PPIP5K2: variants seen among roughly 807,000 people sequenced by gnomAD.
PPIP5K2 encodes diphosphoinositol pentakisphosphate kinase 2.
PPIP5K2 carries 105 observed loss-of-function variants against 154.6 expected under a neutral mutation model. That is an observed-to-expected ratio of 0.68 (90% CI 0.58 to 0.80). The LOEUF (loss-of-function observed/expected upper bound fraction) is 0.80. Among genes scored for constraint, PPIP5K2 ranks in the 30% least tolerant of loss-of-function variants. The probability of loss-of-function intolerance (pLI) is 0.00; values close to 1 mark genes in which losing one functional copy is unlikely to be tolerated. For missense variants in PPIP5K2, 992 were observed against 1,504.6 expected (o/e 0.66, Z 5.64); for synonymous variants, 480 against 490.3 (o/e 0.98, Z 0.28).
rs531393796 is a variant in PPIP5K2 at position 103,142,427 on chromosome 5, T to C, written c.487+3958T>C. 9.0e-3 allele frequency among the ~76,000 whole-genome samples: 1,370 copies of C among 151,816 alleles called. 8 individuals are homozygous for C. The highest frequency in any genetic ancestry group is 0.013 in the Non-Finnish European group (857 of 67,934). On this transcript the variant is annotated intron_variant, in intron 5 of 30. Coordinates refer to ENST00000358359, the MANE Select transcript of PPIP5K2 (RefSeq NM_001276277.3). ...TCCCGCTCGCGCCTCTCCCTCCACA[T>C]CTCCCTGCAACCTGAGGGAGTGGGC...
rs1554222217 is a variant in PPIP5K2 at position 103,180,195 on chromosome 5, A to G, written c.2922+7A>G. On this transcript the variant is annotated splice_region_variant and intron_variant, in intron 24 of 30. Coordinates refer to ENST00000358359, the MANE Select transcript of PPIP5K2 (RefSeq NM_001276277.3). Reference sequence around the variant, plus strand: ...GAAGACGGCTACAAATGATGTAAGTATATGTATCAGAACACATTTTTCATA... The same window carrying G: ...GAAGACGGCTACAAATGATGTAAGTGTATGTATCAGAACACATTTTTCATA... 2 of 1,575,162 alleles carry G rather than the reference A, an allele frequency of 1.3e-6. No homozygotes were observed. The highest frequency in any genetic ancestry group is 1.9e-5 in the Admixed American group (1 of 52,658).
chr5:103,173,120 T>C, intron 19 of PPIP5K2, 35 bp from the exon 20 acceptor site: 1 of 1,532,268 alleles, frequency 6.5e-7, no homozygotes, highest in Admixed American at 2.1e-5. Flanking sequence ...TTTGTCATTA[T>C]ATCCTTTTTC....
At chr5:103,168,637 C>A (rs782741456) in intron 19 of PPIP5K2, among the ~76,000 whole-genome samples, 1 of 151,720 alleles carries the variant, frequency 6.6e-6, no homozygotes, top group African/African-American at 2.4e-5. Context: ...TTGTCCCCCA[C>A]AAGAATGGTG....
rs1249430430 is a variant in PPIP5K2 at position 103,187,177 on chromosome 5, C to G, written c.3290-137C>G. The G allele has an allele frequency of 1.0e-5, 6 of 584,052 alleles. No homozygotes were observed. The Admixed American group carries it at 1.8e-4, about 18-fold the overall frequency. 36.2% of individuals were successfully genotyped at this position (584,052 alleles called of 1,614,324 possible). A position where few individuals can be genotyped will look rare whatever the true frequency, so the allele number is the denominator to read the frequency against. ...GTTAACTTCTTTTAACCAATATTTACCTTATTACATTCTCTCATTGTCCCT... is the reference window on the plus strand; with the variant it reads ...GTTAACTTCTTTTAACCAATATTTAGCTTATTACATTCTCTCATTGTCCCT... On this transcript the variant is annotated intron_variant, in intron 27 of 30. Transcript: ENST00000358359.
chr5:103,137,999 G>C (rs1791844059), intron 4 of PPIP5K2, among the ~76,000 whole-genome samples: 1 of 152,056 alleles, frequency 6.6e-6, no homozygotes, highest in Admixed American at 6.5e-5. Flanking sequence ...CTTTTCTCTA[G>C]TATGCTGTGA....
chr5:103,145,142 G>T (rs1793538759), intron 5 of PPIP5K2, among the ~76,000 whole-genome samples: 1 of 152,036 alleles, frequency 6.6e-6, no homozygotes, highest in Non-Finnish European at 1.5e-5. Context: ...TGGCCAATAG[G>T]TATATGAAAA....
In PPIP5K2 at chr5:103,178,058, A is replaced by G. The variant is rs551472273; in HGVS notation, c.2754+78A>G. 6.1e-5 allele frequency: 55 copies of G among 895,840 alleles called. No homozygotes were observed. The East Asian group carries it at 1.0e-3, about 17-fold the overall frequency. 55.5% of individuals were successfully genotyped at this position (895,840 alleles called of 1,614,324 possible). ...GAGGTTTCTATAAGAGATTTTTATA[A>G]TGTACTATAAATAATTCTTATTTTA... is the stretch of plus-strand genomic sequence containing the variant. On this transcript the variant is annotated intron_variant, in intron 23 of 30. Coordinates refer to ENST00000358359, the MANE Select transcript of PPIP5K2 (RefSeq NM_001276277.3).
At chr5:103,128,972 T>C (rs1163805926) in intron 1 of PPIP5K2, among the ~76,000 whole-genome samples, 2 of 152,214 alleles carry the variant, frequency 1.3e-5, no homozygotes, top group African/African-American at 4.8e-5. Flanking sequence ...AACTATGTGC[T>C]AAGAGATTTA....
rs373922745 is a variant in PPIP5K2 at position 103,146,512 on chromosome 5, G to A, written c.488-15G>A. 4.1e-5 allele frequency: 65 copies of A among 1,603,306 alleles called. No homozygotes were observed. In the Middle Eastern group the frequency reaches 6.6e-4, roughly 16 times the overall value. ...AGAATATGTGATATTTCTTGCAATC[G>A]TGTTTGTTTTATAGAATGTAATCTG... On this transcript the variant is annotated splice_polypyrimidine_tract_variant and intron_variant, in intron 5 of 30. Transcript: ENST00000358359.
At chr5:103,144,027 T>A (rs942415828) in intron 5 of PPIP5K2, among the ~76,000 whole-genome samples, 3 of 152,104 alleles carry the variant, frequency 2.0e-5, no homozygotes, top group African/African-American at 7.2e-5. Flanking sequence ...GATCTTACAG[T>A]TAGAAAATCC....
chr5:103,138,783 A>G (rs1402871711), intron 5 of PPIP5K2, among the ~76,000 whole-genome samples: 2 of 152,236 alleles, frequency 1.3e-5, no homozygotes, highest in Admixed American at 6.5e-5. Context: ...TGATTTATCT[A>G]TGACTATTGA....
At chr5:103,168,413 A>G (rs1797461627) in intron 19 of PPIP5K2, 118 bp downstream of exon 19, 1 of 709,950 alleles carries the variant, frequency 1.4e-6, no homozygotes. Context: ...AACTTTAAAC[A>G]GGAAATTAGG....
chr5:103,162,775 A>G (rs1796504630), intron 17 of PPIP5K2, among the ~76,000 whole-genome samples: 1 of 152,018 alleles, frequency 6.6e-6, no homozygotes, highest in African/African-American at 2.4e-5. Flanking sequence ...TTTTTCGGAG[A>G]AGAGGCCATA....
In PPIP5K2 at chr5:103,168,216, A is replaced by G; in HGVS notation, c.2207A>G (p.His736Arg). The change falls in exon 19 of 31, where the codon CAT (histidine) becomes CGT (arginine). Residue 736 changes from histidine (H) to arginine (R), a missense_variant. His to Arg is a conservative substitution (Grantham distance 29, BLOSUM62 0). This residue lies in a region of PPIP5K2 where 157 missense variants were observed against 281.2 expected (regional missense o/e 0.56). Coordinates refer to ENST00000358359, the MANE Select transcript of PPIP5K2 (RefSeq NM_001276277.3). ...GACTGTATAAAATATGATGTCCAGC[A>G]TAATGGTTCCTTGAAATTAGAAAAC... ...IYDCIKYDVQ[H>R]NGSLKLENTM... is the part of the protein sequence containing the mutation. 1 of 1,610,080 alleles carries G rather than the reference A, an allele frequency of 6.2e-7. No homozygotes were observed. Among genetic ancestry groups the G allele is most frequent in the Non-Finnish European group, 8.5e-7 (1 of 1,177,094 alleles).
In PPIP5K2 at chr5:103,212,521, T is replaced by C. The variant is rs182235754; in HGVS notation, c.*10887T>C. 6.6e-6 allele frequency: 1 copy of C among 152,276 alleles called. No homozygotes were observed. The highest frequency in any genetic ancestry group is 1.5e-5 in the Non-Finnish European group (1 of 67,966). 9.4% of individuals were successfully genotyped at this position (152,276 alleles called of 1,614,324 possible). A position where few individuals can be genotyped will look rare whatever the true frequency, so the allele number is the denominator to read the frequency against. On this transcript the variant is annotated 3_prime_UTR_variant, in exon 31 of 31. Transcript: ENST00000358359. ...GATGACTTCATAAATGTGCCTGGGCTGGCCTTTAATGGAAGGCTTTAATTT... is the reference window on the plus strand; with the variant it reads ...GATGACTTCATAAATGTGCCTGGGCCGGCCTTTAATGGAAGGCTTTAATTT...
At chr5:103,184,414 CTTCTT>C in intron 25 of PPIP5K2, 1 of 282,758 alleles carries the variant, frequency 3.5e-6, no homozygotes, top group Non-Finnish European at 6.6e-6. Context: ...CTCTTAATTG[CTTCTT>C]TTCATCTGTC....
At chr5:103,199,878 A>G (rs1412227482) in intron 30 of PPIP5K2, among the ~76,000 whole-genome samples, 1 of 152,174 alleles carries the variant, frequency 6.6e-6, no homozygotes, top group Non-Finnish European at 1.5e-5. Context: ...GAGCATAGTT[A>G]GAATTGCTGC....
chr5:103,161,678 T>C (rs928884319), intron 17 of PPIP5K2, among the ~76,000 whole-genome samples: 6 of 152,348 alleles, frequency 3.9e-5, no homozygotes, highest in Admixed American at 1.3e-4. Context: ...GGTATCTCAT[T>C]GTGGTTTTGA....
intron 1 of PPIP5K2, among the ~76,000 whole-genome samples, chr5:103,125,670 G>A (rs1789551372): frequency 6.6e-6 from 1 of 152,050 alleles, no homozygotes; most frequent in South Asian, 2.1e-4. Context: ...GTCTCACTCT[G>A]TTGCCCAGGC....
Sources: allele counts gnomAD v4.1 joint callset (sites outside exome capture counted in the v4.1 genomes callset), GRCh38; gene constraint gnomAD v4.1.1; regional missense constraint gnomAD v4.1.1; transcripts MANE v1.5; gene names NCBI Gene and HGNC (gene_info 2026-07-23, HGNC 2026-07-21).